Variants in SLC45A2 observed in about 807,000 individuals in gnomAD.
SLC45A2 encodes the protein solute carrier family 45 member 2, also known as membrane-associated transporter protein.
SLC45A2 carries 36 observed loss-of-function variants against 45.5 expected under a neutral mutation model. The observed-to-expected ratio is 0.79, with a 90% CI of 0.61 to 1.04. The LOEUF is 1.04. SLC45A2 is among the 50% of genes least tolerant of loss of function. The pLI is 0.00. For missense variants in SLC45A2, 719 were observed against 671.0 expected, an observed-to-expected ratio of 1.07 and a Z score of -0.79; for synonymous variants, 306 against 269.3, an observed-to-expected ratio of 1.14 and a Z score of -1.33.
At chr5:33,949,335 G>A (rs1245354816) in intron 5 of SLC45A2, among the ~76,000 whole-genome samples, 1 of 152,198 alleles carries the variant, frequency 6.6e-6, no homozygotes, top group Non-Finnish European at 1.5e-5. Flanking sequence ...TTGAGGTGCA[G>A]GGGGAAGAAA....
intron 5 of SLC45A2, among the ~76,000 whole-genome samples, chr5:33,949,362 T>C (rs1357286505): frequency 1.3e-5 from 2 of 152,224 alleles, no homozygotes; most frequent in Non-Finnish European, 2.9e-5. Flanking sequence ...ATGATTTCAC[T>C]GAGGAAGTAA....
In SLC45A2 at chr5:33,984,538, G is replaced by C. The variant is rs1383808055; in HGVS notation, c.46C>G (p.Leu16Val). The C allele has an allele frequency of 3.7e-6, 6 of 1,612,692 alleles. No homozygotes were observed. The highest frequency in any genetic ancestry group is 1.7e-5 in the Admixed American group (1 of 60,032). ...GQAGRHIYKSLADDGPFDSVE... is the reference protein window; with the variant it reads ...GQAGRHIYKSVADDGPFDSVE... Reference sequence around the variant, plus strand: ...GAGTCAAAGGGGCCATCATCAGCTAGGGATTTATAGATGTGGCGGCCAGCC... The same window carrying C: ...GAGTCAAAGGGGCCATCATCAGCTACGGATTTATAGATGTGGCGGCCAGCC... Residue 16 changes from leucine to valine, a missense_variant, in exon 1 of 7, where the codon CTA becomes GTA. By Grantham distance (32) the Leu-to-Val change is conservative. Coordinates refer to ENST00000296589, the MANE Select transcript of SLC45A2 (RefSeq NM_016180.5).
chr5:33,951,972 CT>C (rs1193815352), intron 4 of SLC45A2, among the ~76,000 whole-genome samples: 1 of 152,184 alleles, frequency 6.6e-6, no homozygotes, highest in African/African-American at 2.4e-5. Flanking sequence ...CACCACTCAT[CT>C]TCTGCTACAG....
chr5:33,978,371 G>T (rs772463220), intron 2 of SLC45A2, among the ~76,000 whole-genome samples: 1 of 152,114 alleles, frequency 6.6e-6, no homozygotes. Context: ...GCCCTGCAAA[G>T]CCATCTTTTG....
chr5:33,946,099 A>C, intron 6 of SLC45A2: 3 of 985,368 alleles, frequency 3.0e-6, no homozygotes, highest in Non-Finnish European at 3.6e-6. Context: ...CAAGTGAGAG[A>C]GGCAGGATTT....
chr5:33,949,744 G>C (rs185733887), intron 5 of SLC45A2, among the ~76,000 whole-genome samples: 1 of 152,026 alleles, frequency 6.6e-6, no homozygotes, highest in Admixed American at 6.6e-5. Flanking sequence ...TTTGTAACTA[G>C]AAACGCTTTT....
At chr5:33,947,508 C>T in intron 5 of SLC45A2, 134 bp from the exon 6 acceptor site, 1 of 879,102 alleles carries the variant, frequency 1.1e-6, no homozygotes, top group Non-Finnish European at 1.8e-6. Flanking sequence ...AAAGAATCCC[C>T]TTATCTGTGG....
rs1753201022 is a variant in SLC45A2 at position 33,984,689 on chromosome 5, G to C, written c.-106C>G. The C allele has an allele frequency of 6.7e-7, 1 of 1,487,476 alleles. No individual in the cohort carries two copies. Among genetic ancestry groups the C allele is most frequent in the Admixed American group, 1.7e-5 (1 of 58,428 alleles). 92.1% of individuals were successfully genotyped at this position (1,487,476 alleles called of 1,614,324 possible). On this transcript the variant is annotated 5_prime_UTR_variant, in exon 1 of 7. Coordinates refer to ENST00000296589, the MANE Select transcript of SLC45A2 (RefSeq NM_016180.5). Reference sequence around the variant, plus strand: ...GTGGAGCCTGGCCGAGCAACCAACAGAGATGGTCAGGCTGGGGGAGGGGCT... The same window carrying C: ...GTGGAGCCTGGCCGAGCAACCAACACAGATGGTCAGGCTGGGGGAGGGGCT...
intron 4 of SLC45A2, among the ~76,000 whole-genome samples, chr5:33,953,423 A>C (rs1284702850): frequency 1.5e-4 from 23 of 150,648 alleles, no homozygotes; most frequent in African/African-American, 5.4e-4. Flanking sequence ...AGTGGTTTTG[A>C]TTTGCATTTC....
intron 3 of SLC45A2, among the ~76,000 whole-genome samples, chr5:33,960,107 A>G (rs1752404836): frequency 6.6e-6 from 1 of 152,150 alleles, no homozygotes. Context: ...ATTACCCAGG[A>G]ATAGGATTGC....
chr5:33,965,895 C>T (rs1316931149), intron 2 of SLC45A2, among the ~76,000 whole-genome samples: 2 of 152,152 alleles, frequency 1.3e-5, no homozygotes, highest in Non-Finnish European at 2.9e-5. Context: ...GAAAAGTGGC[C>T]CCTAGTTTAG....
In SLC45A2 at chr5:33,951,564, T is replaced by C; in HGVS notation, c.1146A>G (p.Ser382=). The C allele has an allele frequency of 1.9e-6, 3 of 1,614,100 alleles. No individual in the cohort carries two copies. Among genetic ancestry groups the C allele is most frequent in the Non-Finnish European group, 2.5e-6 (3 of 1,180,014 alleles). The change falls in exon 5 of 7, where the codon TCA becomes TCG. Residue 382 remains serine (S), a synonymous_variant. Coordinates refer to ENST00000296589, the MANE Select transcript of SLC45A2 (RefSeq NM_016180.5). ...WGLCINSVFS[S]LYSYFQKVLV... is the part of the protein sequence containing the mutation. ...GAGAGAAAGACTTACAAGAATAAAG[T>C]GAGGAAAACACGGAGTTGATGCACA... is the stretch of plus-strand genomic sequence containing the variant.
chr5:33,947,463 C>G lies in SLC45A2; in HGVS notation c.1157-89G>C, dbSNP rs528445426. On this transcript the variant is annotated intron_variant, in intron 5 of 6. Coordinates refer to ENST00000296589, the MANE Select transcript of SLC45A2 (RefSeq NM_016180.5). The stretch of plus-strand genomic sequence containing the variant: ...ACAATCCTTTCTTCTGAAGATTCAC[C>G]TTTTTAGACATCCTTTGATACTGAG... 96 of 1,214,992 alleles carry G rather than the reference C, an allele frequency of 7.9e-5. 1 individual carries two copies. The African/African-American group carries it at 9.1e-4, about 12-fold the overall frequency. The allele number at this position is 1,214,992 out of a possible 1,614,324, so 75.3% of individuals were successfully genotyped here.
chr5:33,954,320 T>C, intron 4 of SLC45A2, 41 bp downstream of exon 4: 1 of 1,613,458 alleles, frequency 6.2e-7, no homozygotes, highest in Non-Finnish European at 8.5e-7. Flanking sequence ...ATGGAGGAAA[T>C]GATGTGTAAC....
chr5:33,973,911 A>T lies in SLC45A2; in HGVS notation c.562+8325T>A, dbSNP rs75874645. On this transcript the variant is annotated intron_variant, in intron 2 of 6. Transcript: ENST00000296589. ...GGTGCAGAGATTTGCAAGCCTGTGAAGGAATGAAGAAAGCTCAGAAATGCT... is the reference window on the plus strand; with the variant it reads ...GGTGCAGAGATTTGCAAGCCTGTGATGGAATGAAGAAAGCTCAGAAATGCT... 4.3e-3 allele frequency among the ~76,000 whole-genome samples: 604 copies of T among 141,028 alleles called. 5 individuals are homozygous for T. The highest frequency in any genetic ancestry group is 0.015 in the African/African-American group (586 of 40,008). 92.5% of individuals were successfully genotyped at this position (141,028 alleles called of 152,430 possible).
intron 5 of SLC45A2, among the ~76,000 whole-genome samples, chr5:33,949,702 A>G (rs192837313): frequency 2.2e-4 from 33 of 152,344 alleles, no homozygotes; most frequent in African/African-American, 7.9e-4. Context: ...ACATTAATAA[A>G]ACTTTGGAAA....
chr5:33,973,045 C>T (rs1221600334), intron 2 of SLC45A2, among the ~76,000 whole-genome samples: 1 of 152,134 alleles, frequency 6.6e-6, no homozygotes, highest in South Asian at 2.1e-4. Flanking sequence ...AATACAGTGT[C>T]AAGTAATGAT....
intron 3 of SLC45A2, among the ~76,000 whole-genome samples, chr5:33,956,379 G>A (rs1189020448): frequency 1.3e-5 from 2 of 152,104 alleles, no homozygotes; most frequent in Non-Finnish European, 2.9e-5. Flanking sequence ...CACAATCAGA[G>A]CAATGGCTAC....
At chr5:33,958,408 C>T (rs778851224) in intron 3 of SLC45A2, among the ~76,000 whole-genome samples, 40 of 152,158 alleles carry the variant, frequency 2.6e-4, no homozygotes, top group Non-Finnish European at 5.3e-4. Flanking sequence ...AACTGGAGAC[C>T]TCCCAGGGCA....
Sources: gnomAD v4.1 joint callset for allele counts (sites outside exome capture counted in the v4.1 genomes callset) on GRCh38, gnomAD v4.1.1 for gene constraint, MANE v1.5 for transcripts, NCBI Gene and HGNC (gene_info 2026-07-23, HGNC 2026-07-21) for gene names.